Variants in HMCN1 observed in about 807,000 individuals in gnomAD.
HMCN1 encodes hemicentin 1, also known as hemicentin-1.
HMCN1 carries 321 observed loss-of-function variants against 625.9 expected under a neutral mutation model. The observed-to-expected ratio is 0.51, with a 90% CI of 0.47 to 0.56. HMCN1 has a LOEUF of 0.56. HMCN1 is among the 20% of genes least tolerant of loss of function. HMCN1 has a pLI of 0.00. For missense variants in HMCN1, 6,588 were observed against 6,887.3 expected (o/e 0.96, Z 1.54); for synonymous variants, 2,425 against 2,417.6 (o/e 1.00, Z -0.09).
At position 186,007,265 on chromosome 1, in the gene HMCN1, T is replaced by G. The variant is rs1278531650; in HGVS notation, c.4613T>G (p.Ile1538Arg). Residue 1538 changes from isoleucine (I) to arginine (R), a missense_variant, in exon 30 of 107, where the codon ATA (isoleucine) becomes AGA (arginine). Ile to Arg is a moderately conservative substitution (Grantham distance 97). This residue lies in a region of HMCN1 where 4,628 missense variants were observed against 4,853.1 expected (regional missense o/e 0.95). Coordinates refer to ENST00000271588, the MANE Select transcript of HMCN1 (RefSeq NM_031935.3). ...SNAAGKQAKD[I>R]KLTIYIPPSI... Reference sequence around the variant, plus strand: ...GCAGCTGGCAAACAAGCCAAGGATATAAAACTGACTATCTATAGTAAGTGC... The same window carrying G: ...GCAGCTGGCAAACAAGCCAAGGATAGAAAACTGACTATCTATAGTAAGTGC... The G allele has an allele frequency of 6.2e-7, 1 of 1,613,676 alleles. No individual in the cohort carries two copies. The highest frequency in any genetic ancestry group is 1.7e-5 in the Admixed American group (1 of 60,000).
chr1:185,893,590 G>A (rs1287179622), intron 4 of HMCN1, among the ~76,000 whole-genome samples: 1 of 151,938 alleles, frequency 6.6e-6, no homozygotes, highest in East Asian at 1.9e-4. Context: ...TGTAAATTTT[G>A]CTACCACGGA....
chr1:186,029,895 G>A (rs1655312779), intron 36 of HMCN1, among the ~76,000 whole-genome samples: 1 of 151,906 alleles, frequency 6.6e-6, no homozygotes, highest in Admixed American at 6.5e-5. Flanking sequence ...TTCTTTATGT[G>A]CATCCCACAA....
chr1:185,858,632 T>TTTTTTTTTTTTTTG (rs1558020125), intron 2 of HMCN1, among the ~76,000 whole-genome samples: 1 of 120,966 alleles, frequency 8.3e-6, no homozygotes, highest in African/African-American at 3.3e-5. Flanking sequence ...TTTTTTTTTT[T>TTTTTTTTTTTTTTG]TAGAGACGGG....
chr1:185,864,076 G>C (rs1284361427), intron 2 of HMCN1, among the ~76,000 whole-genome samples: 1 of 152,188 alleles, frequency 6.6e-6, no homozygotes. Context: ...AACAGGTATT[G>C]TGGTGGGAGC....
Position 186,078,230 on chromosome 1 carries a change from T to C in HMCN1, c.8599+10T>C. 6.3e-7 allele frequency: 1 copy of C among 1,575,766 alleles called. No individual in the cohort carries two copies. The stretch of plus-strand genomic sequence containing the variant: ...GATGTCCGTGTACTCGGTGAGTTTT[T>C]CTTTTGTTTATTGTTCATTCTTTTA... On this transcript the variant is annotated intron_variant, in intron 55 of 106. Transcript: ENST00000271588.
rs551590509 is a variant in HMCN1 at position 185,776,465 on chromosome 1, T to C, written c.268+41418T>C. Among the ~76,000 whole-genome samples the C allele has an allele frequency of 1.1e-4, 16 of 152,060 alleles. 1 individual carries two copies. In the South Asian group the frequency reaches 3.3e-3, roughly 32 times the overall value. The stretch of plus-strand genomic sequence containing the variant: ...GGTTGTGTGTGTGTGTGTGTGTGTG[T>C]GTGTGTGTGTGTTCAGTCTTTAGTC... On this transcript the variant is annotated intron_variant, in intron 1 of 106. Transcript: ENST00000271588.
chr1:186,125,675 G>A lies in HMCN1; in HGVS notation c.12571G>A (p.Val4191Ile), dbSNP rs141096306. 1,063 of 1,612,964 alleles carry A rather than the reference G, an allele frequency of 6.6e-4. 8 individuals are homozygous for A. In the African/African-American group the frequency reaches 0.012, roughly 18 times the overall value. Residue 4191 changes from valine to isoleucine, a missense_variant, in exon 82 of 107, where the codon GTA becomes ATA. Physicochemically the swap from Val to Ile is conservative, Grantham distance 29. This residue lies in a region of HMCN1 where 1,954 missense variants were observed against 2,013.1 expected (regional missense o/e 0.97). Coordinates refer to ENST00000271588, the MANE Select transcript of HMCN1 (RefSeq NM_031935.3). The stretch of plus-strand genomic sequence containing the variant: ...GAATTCACAAGCCATTCTTCCATGC[G>A]TAGCTGATGGAATCCCCACACCAGC... ...NENSQAILPCVADGIPTPAIN... is the reference protein window; with the variant it reads ...NENSQAILPCIADGIPTPAIN...
At chr1:186,064,405 C>T (rs575111117) in intron 48 of HMCN1, among the ~76,000 whole-genome samples, 8 of 152,080 alleles carry the variant, frequency 5.3e-5, no homozygotes, top group African/African-American at 1.9e-4. Context: ...AATATTCTTC[C>T]ATCTATCTAT....
intron 1 of HMCN1, among the ~76,000 whole-genome samples, chr1:185,766,323 A>G (rs1197574920): frequency 6.6e-6 from 1 of 152,136 alleles, no homozygotes; most frequent in Non-Finnish European, 1.5e-5. Flanking sequence ...GGAATGCTGA[A>G]GCTGCTTCTG....
In HMCN1 at chr1:186,043,945, G is replaced by A. The variant is rs573336187; in HGVS notation, c.6305-1743G>A. Among the ~76,000 whole-genome samples, 44 of 152,244 alleles carry A rather than the reference G, an allele frequency of 2.9e-4. 2 individuals carry two copies. The South Asian group carries it at 8.5e-3, about 29-fold the overall frequency. The stretch of plus-strand genomic sequence containing the variant: ...GCAACAAAAAAATTAGCCAGGCGTG[G>A]TGGCACATGCCTGTAATCCCAGCTA... On this transcript the variant is annotated intron_variant, in intron 40 of 106. Coordinates refer to ENST00000271588, the MANE Select transcript of HMCN1 (RefSeq NM_031935.3).
chr1:186,079,385 G>C (rs1659030439), intron 55 of HMCN1, among the ~76,000 whole-genome samples: 1 of 152,028 alleles, frequency 6.6e-6, no homozygotes, highest in Non-Finnish European at 1.5e-5. Context: ...TCTCTCTCTG[G>C]GCACACGCAA....
At chr1:186,048,601 C>A in intron 41 of HMCN1, 142 bp from the exon 42 acceptor site, 1 of 654,090 alleles carries the variant, frequency 1.5e-6, no homozygotes. Flanking sequence ...GGGTATATAG[C>A]CATTTATATT....
At chr1:185,746,105 G>A (rs75914002) in intron 1 of HMCN1, among the ~76,000 whole-genome samples, 3,269 of 152,246 alleles carry the variant, frequency 0.021, 95 homozygotes, top group African/African-American at 0.074. Context: ...TAAACAATAT[G>A]GAGCTCAACA....
intron 36 of HMCN1, among the ~76,000 whole-genome samples, chr1:186,034,480 A>G (rs1571751531): frequency 6.6e-6 from 1 of 152,304 alleles, no homozygotes; most frequent in African/African-American, 2.4e-5. Flanking sequence ...CACTGACAGA[A>G]CAATTGAATC....
rs1657776428 is a variant in HMCN1, at chr1:186,062,597, A to G, written c.7510A>G (p.Thr2504Ala). ...KQSVTLTCEV[T>A]GNPVPEITWH... Reference sequence around the variant, plus strand: ...GAGTGTTACGCTGACTTGTGAAGTGACAGGTATGGGCTCAGCTCTCAGACT... The same window carrying G: ...GAGTGTTACGCTGACTTGTGAAGTGGCAGGTATGGGCTCAGCTCTCAGACT... The change falls in exon 48 of 107, where the codon ACA becomes GCA. Residue 2504 changes from threonine to alanine, a missense_variant. Coordinates refer to ENST00000271588, the MANE Select transcript of HMCN1 (RefSeq NM_031935.3). The G allele has an allele frequency of 1.2e-6, 2 of 1,605,588 alleles. No homozygotes were observed. The highest frequency in any genetic ancestry group is 1.7e-5 in the Admixed American group (1 of 59,952).
At chr1:186,169,331 G>GA (rs1207189397) in intron 100 of HMCN1, among the ~76,000 whole-genome samples, 1 of 152,070 alleles carries the variant, frequency 6.6e-6, no homozygotes, top group Non-Finnish European at 1.5e-5. Flanking sequence ...CACAGAATTA[G>GA]AAAAAACTAC....
At position 185,970,400 on chromosome 1, in the gene HMCN1, C is replaced by G; in HGVS notation, c.2278C>G (p.Gln760Glu). ...CCCTCTCTTGGGACTTTTGAAGATT[C>G]AAGAAACACAAGATCTGGATGCTGG... ...IDPLLGLLKI[Q>E]ETQDLDAGDY... Residue 760 changes from glutamine to glutamate, a missense_variant, in exon 15 of 107, where the codon CAA becomes GAA. Coordinates refer to ENST00000271588, the MANE Select transcript of HMCN1 (RefSeq NM_031935.3). 6.2e-7 allele frequency: 1 copy of G among 1,613,594 alleles called. No individual in the cohort carries two copies. The highest frequency in any genetic ancestry group is 8.5e-7 in the Non-Finnish European group (1 of 1,179,538).
chr1:185,982,355 T>C lies in HMCN1; in HGVS notation c.2756T>C (p.Ile919Thr). 1 of 1,613,810 alleles carries C rather than the reference T, an allele frequency of 6.2e-7. No homozygotes were observed. Among genetic ancestry groups the C allele is most frequent in the Non-Finnish European group, 8.5e-7 (1 of 1,179,728 alleles). The change falls in exon 18 of 107, where the codon ATT becomes ACT. Residue 919 changes from isoleucine to threonine, a missense_variant. By Grantham distance (89) the Ile-to-Thr change is moderately conservative (BLOSUM62 -1). This residue lies in a region of HMCN1 where 4,628 missense variants were observed against 4,853.1 expected (regional missense o/e 0.95). Transcript: ENST00000271588. Reference protein sequence around the residue: ...LPCTLLAGNPIPERRWIKNSA... With the variant: ...LPCTLLAGNPTPERRWIKNSA... ...TGTACTCTGTTAGCTGGAAATCCCATTCCAGAACGTCGGTGGATTAAGAAT... is the reference window on the plus strand; with the variant it reads ...TGTACTCTGTTAGCTGGAAATCCCACTCCAGAACGTCGGTGGATTAAGAAT...
Position 186,117,112 on chromosome 1 carries a change from C to A in HMCN1, c.11680C>A (p.Gln3894Lys). The change falls in exon 76 of 107, where the codon CAA becomes AAA. Residue 3894 changes from glutamine to lysine, a missense_variant. This residue lies in a region of HMCN1 where 4,628 missense variants were observed against 4,853.1 expected (regional missense o/e 0.95). Coordinates refer to ENST00000271588, the MANE Select transcript of HMCN1 (RefSeq NM_031935.3). ...TAAAAGAACTGTGGATCTCACTGTC[C>A]AAGGTAGAATTGGCTTGGAACATGG... ...DDKRTVDLTV[Q>K]VPPSIADEPT... is the part of the protein sequence containing the mutation. The A allele has an allele frequency of 6.2e-7, 1 of 1,613,048 alleles. No homozygotes were observed. The highest frequency in any genetic ancestry group is 1.1e-5 in the South Asian group (1 of 91,056).
Sources: allele counts gnomAD v4.1 joint callset (sites outside exome capture counted in the v4.1 genomes callset), GRCh38; gene constraint gnomAD v4.1.1; regional missense constraint gnomAD v4.1.1; transcripts MANE v1.5; gene names NCBI Gene and HGNC (gene_info 2026-07-23, HGNC 2026-07-21).